BRIP1: variants seen among roughly 807,000 people sequenced by gnomAD.
BRIP1 encodes the protein BRCA1 interacting DNA helicase 1.
A neutral mutation model predicts 119.7 loss-of-function variants in BRIP1; 88 were observed. That is an observed-to-expected ratio of 0.74 (90% CI 0.62 to 0.88). The LOEUF (loss-of-function observed/expected upper bound fraction) is 0.88. Among genes scored for constraint, BRIP1 ranks in the 40% least tolerant of loss-of-function variants. The pLI, the probability that BRIP1 is intolerant of heterozygous loss-of-function variation, is 0.00. For missense variants in BRIP1, 1,259 were observed against 1,455.4 expected (o/e 0.87, Z 2.20); for synonymous variants, 443 against 496.5 (o/e 0.89, Z 1.43).
In BRIP1 at chr17:61,703,817, G is replaced by A. The variant is rs1289569828; in HGVS notation, c.2493-10305C>T. 1.3e-5 allele frequency among the ~76,000 whole-genome samples: 2 copies of A among 152,112 alleles called. No homozygotes were observed. The highest frequency in any genetic ancestry group is 2.4e-5 in the African/African-American group (1 of 41,424). On this transcript the variant is annotated intron_variant, in intron 17 of 19. Coordinates refer to ENST00000259008, the MANE Select transcript of BRIP1 (RefSeq NM_032043.3). The surrounding 1 kb of genome is among the most constrained non-coding windows in gnomAD (Gnocchi z 5.0). ...CCCTGAGGTGGTTGTTGTATATAGT[G>A]TAAGGAAGGGGGTCCAGTTTCAATC... is the stretch of plus-strand genomic sequence containing the variant.
At position 61,832,707 on chromosome 17, in the gene BRIP1, A is replaced by T. The variant is rs1329470421; in HGVS notation, c.627+14394T>A. Among the ~76,000 whole-genome samples the T allele has an allele frequency of 6.6e-6, 1 of 152,234 alleles. No homozygotes were observed. Among genetic ancestry groups the T allele is most frequent in the Admixed American group, 6.5e-5 (1 of 15,284 alleles). Reference sequence around the variant, plus strand: ...CCAGACTGAAGAAGTTACTAAAGTGATAACTAAATGCAATGCATGGTTCTG... The same window carrying T: ...CCAGACTGAAGAAGTTACTAAAGTGTTAACTAAATGCAATGCATGGTTCTG... On this transcript the variant is annotated intron_variant, in intron 6 of 19. Transcript: ENST00000259008. This position sits in a 1 kb window ranked among gnomAD's most constrained non-coding sequence, Gnocchi z 5.5.
At chr17:61,741,049 C>T (rs1166834432) in intron 16 of BRIP1, among the ~76,000 whole-genome samples, 3 of 152,138 alleles carry the variant, frequency 2.0e-5, no homozygotes, top group East Asian at 1.9e-4. Flanking sequence ...CAAACTCTGC[C>T]GCTGCTTCAT....
chr17:61,681,031 A>G lies in BRIP1; in HGVS notation c.*2265T>C, dbSNP rs2061263017. Among the ~76,000 whole-genome samples, 1 of 152,116 alleles carries G rather than the reference A, an allele frequency of 6.6e-6. No homozygotes were observed. Among genetic ancestry groups the G allele is most frequent in the Non-Finnish European group, 1.5e-5 (1 of 68,014 alleles). On this transcript the variant is annotated 3_prime_UTR_variant, in exon 20 of 20. Coordinates refer to ENST00000259008, the MANE Select transcript of BRIP1 (RefSeq NM_032043.3). This position sits in a 1 kb window ranked among gnomAD's most constrained non-coding sequence, Gnocchi z 5.1. ...GCAACTTTTCACAGGGCAGCAGGAG[A>G]GAAGAATGAGAGTGAAGCAGGGAAA...
At chr17:61,716,184 T>G in intron 16 of BRIP1, 121 bp from the exon 17 acceptor site, 1 of 653,876 alleles carries the variant, frequency 1.5e-6, no homozygotes, top group Non-Finnish European at 2.5e-6. Context: ...ATTTTGTTTT[T>G]CAGTACTGAT....
chr17:61,822,458 G>A lies in BRIP1; in HGVS notation c.628-13701C>T, dbSNP rs1022567417. ...TAATAGATCCAGTTATGTGCCCTCT[G>A]GGAAAAATGCACCAAAAAGCGCCAA... is the stretch of plus-strand genomic sequence containing the variant. On this transcript the variant is annotated intron_variant, in intron 6 of 19. Coordinates refer to ENST00000259008, the MANE Select transcript of BRIP1 (RefSeq NM_032043.3). The surrounding 1 kb of genome is among the most constrained non-coding windows in gnomAD (Gnocchi z 4.4). Among the ~76,000 whole-genome samples, 9 of 152,074 alleles carry A rather than the reference G, an allele frequency of 5.9e-5. No homozygotes were observed. Among genetic ancestry groups the A allele is most frequent in the African/African-American group, 2.2e-4 (9 of 41,412 alleles).
At chr17:61,698,008 G>T (rs1449763405) in intron 17 of BRIP1, among the ~76,000 whole-genome samples, 1 of 152,150 alleles carries the variant, frequency 6.6e-6, no homozygotes, top group African/African-American at 2.4e-5. Flanking sequence ...GTTTCACCAT[G>T]TTGGCCAGGC....
chr17:61,860,105 A>T lies in BRIP1; in HGVS notation c.94-198T>A, dbSNP rs1178405121. 6.6e-6 allele frequency among the ~76,000 whole-genome samples: 1 copy of T among 152,226 alleles called. No homozygotes were observed. Among genetic ancestry groups the T allele is most frequent in the Non-Finnish European group, 1.5e-5 (1 of 68,040 alleles). ...CTCCCTAAGATTATCTTACTAAAAT[A>T]TCAAGCACAAGAGAAGAAATGAAAA... On this transcript the variant is annotated intron_variant, in intron 2 of 19. Transcript: ENST00000259008. The surrounding 1 kb of genome is among the most constrained non-coding windows in gnomAD (Gnocchi z 4.1).
intron 9 of BRIP1, among the ~76,000 whole-genome samples, chr17:61,797,443 TGGCAATATAGAGATCACTAGTGATCTTG>T (rs2077918044): frequency 6.6e-6 from 1 of 152,032 alleles, no homozygotes; most frequent in African/African-American, 2.4e-5. Context: ...CCTCTGTATT[TGGCAATATAGAGATCACTAGTGATCTTG>T]ATCAAAACAA....
chr17:61,813,942 A>G (rs1210376975), intron 6 of BRIP1, among the ~76,000 whole-genome samples: 1 of 152,136 alleles, frequency 6.6e-6, no homozygotes, highest in East Asian at 1.9e-4. Flanking sequence ...TATTTTATGA[A>G]TGCAATTACA....
Position 61,796,661 on chromosome 17 carries a change from A to C in BRIP1, c.1340+2439T>G, listed in dbSNP as rs1181910078. Among the ~76,000 whole-genome samples, 1 of 151,878 alleles carries C rather than the reference A, an allele frequency of 6.6e-6. No homozygotes were observed. Among genetic ancestry groups the C allele is most frequent in the African/African-American group, 2.4e-5 (1 of 41,404 alleles). On this transcript the variant is annotated intron_variant, in intron 9 of 19. Transcript: ENST00000259008. The surrounding 1 kb of genome is among the most constrained non-coding windows in gnomAD (Gnocchi z 4.8). The stretch of plus-strand genomic sequence containing the variant: ...TGTGCTGTTTTGGTGGGAAGGTTTT[A>C]AATACAGAGTTTTAAATAAAAGACA...
rs2078079082 is a variant in BRIP1 at position 61,806,746 on chromosome 17, G to A, written c.918+1721C>T. 2.0e-5 allele frequency among the ~76,000 whole-genome samples: 3 copies of A among 152,312 alleles called. No homozygotes were observed. In the South Asian group the frequency reaches 6.2e-4, roughly 32 times the overall value. On this transcript the variant is annotated intron_variant, in intron 7 of 19. Transcript: ENST00000259008. This position sits in a 1 kb window ranked among gnomAD's most constrained non-coding sequence, Gnocchi z 4.9. ...AGAGCCTTGCTCTGTTGCCCAGGCT[G>A]CAGTGCAGTGGCGCGATCTTGGCTC...
Position 61,689,231 on chromosome 17 carries a change from G to A in BRIP1, c.2576-3066C>T, listed in dbSNP as rs571517043. Among the ~76,000 whole-genome samples the A allele has an allele frequency of 1.3e-5, 2 of 151,836 alleles. No homozygotes were observed. The highest frequency in any genetic ancestry group is 1.9e-4 in the East Asian group (1 of 5,160). Reference sequence around the variant, plus strand: ...GCTAATTGTCGTATTTTTAGTAGAGGTGGGGTTTCACCACGTTGGCCAGGC... The same window carrying A: ...GCTAATTGTCGTATTTTTAGTAGAGATGGGGTTTCACCACGTTGGCCAGGC... On this transcript the variant is annotated intron_variant, in intron 18 of 19. Coordinates refer to ENST00000259008, the MANE Select transcript of BRIP1 (RefSeq NM_032043.3). This position sits in a 1 kb window ranked among gnomAD's most constrained non-coding sequence, Gnocchi z 4.5.
intron 10 of BRIP1, among the ~76,000 whole-genome samples, chr17:61,790,836 A>C (rs1387212103): frequency 6.6e-6 from 1 of 151,888 alleles, no homozygotes; most frequent in African/African-American, 2.4e-5. Context: ...TTTGTTGCCC[A>C]GGCTGGTCTT....
rs1342555613 is a variant in BRIP1, at chr17:61,730,488, C to T, written c.2379+12525G>A. On this transcript the variant is annotated intron_variant, in intron 16 of 19. Coordinates refer to ENST00000259008, the MANE Select transcript of BRIP1 (RefSeq NM_032043.3). This position sits in a 1 kb window ranked among gnomAD's most constrained non-coding sequence, Gnocchi z 4.3. Reference sequence around the variant, plus strand: ...ACATAAGTAGGTAAGTGTCAATCAACCTTACAAGTCCTCAGGGTGATAATT... The same window carrying T: ...ACATAAGTAGGTAAGTGTCAATCAATCTTACAAGTCCTCAGGGTGATAATT... 2.6e-5 allele frequency among the ~76,000 whole-genome samples: 4 copies of T among 152,280 alleles called. No individual in the cohort carries two copies. The highest frequency in any genetic ancestry group is 7.2e-5 in the African/African-American group (3 of 41,544).
At position 61,799,194 on chromosome 17, in the gene BRIP1, G is replaced by A. The variant is rs587780225; in HGVS notation, c.1246C>T (p.Arg416Trp). 1.2e-5 allele frequency: 20 copies of A among 1,613,476 alleles called. No individual in the cohort carries two copies. The highest frequency in any genetic ancestry group is 9.9e-5 in the South Asian group (9 of 91,068). ...CTATCTAGTTCATCCCGAGCAAACC[G>A]AAGCTGAACTTCTGTTACACTGTAA... ...ASYSVTEVQL[R>W]FARDELDSMV... The change falls in exon 9 of 20, where the codon CGG becomes TGG. Residue 416 changes from arginine to tryptophan, a missense_variant. Around this residue, in one of 3 missense-constraint regions of BRIP1, gnomAD observed 501 missense variants for 544.0 expected, o/e 0.92. Coordinates refer to ENST00000259008, the MANE Select transcript of BRIP1 (RefSeq NM_032043.3). The surrounding 1 kb of genome is among the most constrained non-coding windows in gnomAD (Gnocchi z 5.1).
chr17:61,729,056 G>A lies in BRIP1; in HGVS notation c.2380-12993C>T, dbSNP rs183260006. 3.0e-4 allele frequency among the ~76,000 whole-genome samples: 45 copies of A among 152,192 alleles called. No homozygotes were observed. In the East Asian group the frequency reaches 6.2e-3, roughly 21 times the overall value. On this transcript the variant is annotated intron_variant, in intron 16 of 19. Coordinates refer to ENST00000259008, the MANE Select transcript of BRIP1 (RefSeq NM_032043.3). This position sits in a 1 kb window ranked among gnomAD's most constrained non-coding sequence, Gnocchi z 5.6. ...AGCACTTTGGGAGGCTGAGGCGGGC[G>A]GATCTTCTGAGGTCGGGAGTTCGAG...
intron 10 of BRIP1, among the ~76,000 whole-genome samples, chr17:61,785,070 G>T (rs1038584233): frequency 2.6e-5 from 4 of 152,002 alleles, no homozygotes; most frequent in African/African-American, 9.7e-5. Flanking sequence ...ATTCAATCAG[G>T]GTATTATTTG....
rs1306318962 is a variant in BRIP1, at chr17:61,793,524, A to C, written c.1473+73T>G. On this transcript the variant is annotated intron_variant, in intron 10 of 19. Transcript: ENST00000259008. This position sits in a 1 kb window ranked among gnomAD's most constrained non-coding sequence, Gnocchi z 5.2. ...CAATTCTGGGTTACTCACTAGATTT[A>C]ATCTGGATTTAGTCACGACTAAATC... is the stretch of plus-strand genomic sequence containing the variant. The C allele has an allele frequency of 7.0e-7, 1 of 1,429,086 alleles. No homozygotes were observed. Among genetic ancestry groups the C allele is most frequent in the Non-Finnish European group, 9.6e-7 (1 of 1,038,844 alleles). 88.5% of individuals were successfully genotyped at this position (1,429,086 alleles called of 1,614,324 possible).
intron 14 of BRIP1, among the ~76,000 whole-genome samples, chr17:61,749,067 G>A (rs1385372217): frequency 6.6e-6 from 1 of 151,910 alleles, no homozygotes; most frequent in African/African-American, 2.4e-5. Flanking sequence ...AACCTGGGAG[G>A]CGGAGGTTGC....
Sources: allele counts gnomAD v4.1 joint callset (sites outside exome capture counted in the v4.1 genomes callset), GRCh38; gene constraint gnomAD v4.1.1; regional missense constraint gnomAD v4.1.1; non-coding constraint Gnocchi (gnomAD v3.1); transcripts MANE v1.5; gene names NCBI Gene and HGNC (gene_info 2026-07-23, HGNC 2026-07-21).